Variants in DDX10 observed in about 807,000 individuals in gnomAD.
DDX10 encodes the protein probable ATP-dependent RNA helicase DDX10.
DDX10 carries 74 observed loss-of-function variants against 104.3 expected under a neutral mutation model. The observed-to-expected ratio is 0.71, with a 90% CI of 0.59 to 0.86. The LOEUF (loss-of-function observed/expected upper bound fraction) is 0.86, where lower values mean the gene tolerates loss of function less well. Ranked by LOEUF, DDX10 falls within the 40% of genes least tolerant of loss-of-function variation. The pLI is 0.00. For synonymous variants in DDX10, 351 were observed against 353.4 expected (o/e 0.99, Z 0.08); for missense variants, 952 against 1,040.0 (o/e 0.92, Z 1.16).
At chr11:108,900,884 G>A (rs1169300496) in intron 16 of DDX10, among the ~76,000 whole-genome samples, 1 of 152,186 alleles carries the variant, frequency 6.6e-6, no homozygotes, top group Admixed American at 6.5e-5. Context: ...TATCTACCTT[G>A]TATGTGCCTA....
intron 16 of DDX10, among the ~76,000 whole-genome samples, chr11:108,857,826 A>G (rs1862891333): frequency 6.6e-6 from 1 of 152,210 alleles, no homozygotes; most frequent in African/African-American, 2.4e-5. Context: ...AGAATATTCA[A>G]TTTGAGAGTC....
intron 16 of DDX10, among the ~76,000 whole-genome samples, chr11:108,894,912 T>A (rs1318080967): frequency 2.0e-5 from 3 of 152,008 alleles, no homozygotes; most frequent in South Asian, 2.1e-4. Context: ...CCCTTTTTTT[T>A]AAAACGGAAA....
intron 9 of DDX10, among the ~76,000 whole-genome samples, chr11:108,701,675 C>CTTTTTTTTTTTTTTTTTTTTTTTT (rs55916940): frequency 1.3e-5 from 1 of 77,420 alleles, no homozygotes; most frequent in Non-Finnish European, 2.2e-5. Flanking sequence ...TTCTTCTTCT[C>CTTTTTTTTTTTTTTTTTTTTTTTT]TTTTTTTTTT....
chr11:108,913,640 A>G (rs1361607578), intron 16 of DDX10, among the ~76,000 whole-genome samples: 2 of 152,136 alleles, frequency 1.3e-5, no homozygotes, highest in Admixed American at 1.3e-4. Context: ...CCTTTGGCTT[A>G]GTGACTTTGC....
At chr11:108,927,506 T>C (rs1863923232) in intron 17 of DDX10, among the ~76,000 whole-genome samples, 1 of 152,202 alleles carries the variant, frequency 6.6e-6, no homozygotes, top group Non-Finnish European at 1.5e-5. Flanking sequence ...GGAAGTTTAG[T>C]GCTCACTCCA....
chr11:108,802,918 T>G (rs1862043332), intron 13 of DDX10, among the ~76,000 whole-genome samples: 1 of 151,870 alleles, frequency 6.6e-6, no homozygotes, highest in Non-Finnish European at 1.5e-5. Flanking sequence ...TCTTAAGAAC[T>G]ATCAGTCCAA....
chr11:108,723,090 AGTAATTGAGCCAAGG>A lies in DDX10; in HGVS notation c.1595_1609del (p.Val532_Arg536del), dbSNP rs1025566898. 13 of 1,613,798 alleles carry A rather than the reference AGTAATTGAGCCAAGG, an allele frequency of 8.1e-6. No individual in the cohort carries two copies. Among genetic ancestry groups the A allele is most frequent in the South Asian group, 7.7e-5 (7 of 91,062 alleles). On this transcript the variant is annotated inframe_deletion, in exon 13 of 18. Coordinates refer to ENST00000322536, the MANE Select transcript of DDX10 (RefSeq NM_004398.4). ...AATTGGTAAGGAGCCAAGCCGATAA[AGTAATTGAGCCAAGG>A]GCTCCCTCCCTCACCAATGACGAAG...
chr11:108,904,448 C>A (rs1464703484), intron 16 of DDX10, among the ~76,000 whole-genome samples: 1 of 152,150 alleles, frequency 6.6e-6, no homozygotes. Flanking sequence ...CTACTGGATT[C>A]ATTCATATGC....
chr11:108,741,921 A>G (rs1326891764), intron 13 of DDX10, among the ~76,000 whole-genome samples: 1 of 152,186 alleles, frequency 6.6e-6, no homozygotes, highest in Non-Finnish European at 1.5e-5. Flanking sequence ...AGAAGAAGAC[A>G]AAAAGTAAAA....
chr11:108,826,110 G>GT (rs896153232), intron 13 of DDX10, among the ~76,000 whole-genome samples: 46 of 152,264 alleles, frequency 3.0e-4, no homozygotes, highest in African/African-American at 1.1e-3. Flanking sequence ...ATTTAAAAAG[G>GT]TTTTTTGATG....
chr11:108,882,997 A>G (rs1180191538), intron 16 of DDX10, among the ~76,000 whole-genome samples: 2 of 152,176 alleles, frequency 1.3e-5, no homozygotes, highest in African/African-American at 4.8e-5. Context: ...ATTTCAAATA[A>G]TGATTATCAT....
At chr11:108,799,074 T>C (rs1252718145) in intron 13 of DDX10, among the ~76,000 whole-genome samples, 1 of 152,210 alleles carries the variant, frequency 6.6e-6, no homozygotes, top group African/African-American at 2.4e-5. Flanking sequence ...TTTTTCTATT[T>C]ACTGAGTGGT....
chr11:108,678,870 A>ATTTT (rs769948315), intron 5 of DDX10, among the ~76,000 whole-genome samples: 12 of 92,710 alleles, frequency 1.3e-4, no homozygotes, highest in Non-Finnish European at 1.9e-4. Context: ...GTTTCCCCTA[A>ATTTT]TTTTTTTTTT....
Position 108,723,193 on chromosome 11 carries a change from C to G in DDX10, c.1696C>G (p.Leu566Val). 1 of 1,613,720 alleles carries G rather than the reference C, an allele frequency of 6.2e-7. No individual in the cohort carries two copies. Among genetic ancestry groups the G allele is most frequent in the South Asian group, 1.1e-5 (1 of 91,050 alleles). The change falls in exon 13 of 18, where the codon CTC (leucine) becomes GTC (valine). Residue 566 changes from leucine (L) to valine (V), a missense_variant. Leu to Val is a conservative substitution (Grantham distance 32). Around this residue, in one of 3 missense-constraint regions of DDX10, gnomAD observed 533 missense variants for 534.1 expected, o/e 1.00. Transcript: ENST00000322536. The stretch of plus-strand genomic sequence containing the variant: ...CATCCTTCAAAAAGGTGGAAAAAGA[C>G]TCGAAGGGACAGAGCACAGACAGGA... ...MSILQKGGKR[L>V]EGTEHRQDND...
chr11:108,673,621 A>G (rs1281394862), intron 2 of DDX10, 94 bp downstream of exon 2: 3 of 837,284 alleles, frequency 3.6e-6, no homozygotes, highest in Non-Finnish European at 5.7e-6. Context: ...GAAAAATCTT[A>G]TTTTGGCAAA....
At chr11:108,803,776 T>C (rs1162303070) in intron 13 of DDX10, among the ~76,000 whole-genome samples, 1 of 152,178 alleles carries the variant, frequency 6.6e-6, no homozygotes. Flanking sequence ...CAGAACACAT[T>C]TTTTAATGTG....
intron 16 of DDX10, among the ~76,000 whole-genome samples, chr11:108,906,298 C>T (rs1452308384): frequency 6.6e-6 from 1 of 152,088 alleles, no homozygotes; most frequent in Non-Finnish European, 1.5e-5. Context: ...ACACTGCTTC[C>T]TTAGATGATG....
intron 16 of DDX10, among the ~76,000 whole-genome samples, chr11:108,861,188 C>A (rs1367996435): frequency 6.6e-6 from 1 of 151,764 alleles, no homozygotes; most frequent in African/African-American, 2.4e-5. Context: ...ACTGGCCTAG[C>A]CTCCCAGGCT....
intron 13 of DDX10, among the ~76,000 whole-genome samples, chr11:108,835,697 A>G (rs548273442): frequency 2.6e-5 from 4 of 152,182 alleles, no homozygotes; most frequent in Non-Finnish European, 4.4e-5. Flanking sequence ...TGAGGTGCCT[A>G]TCAGTTAGCC....
Sources: gnomAD v4.1 joint callset for allele counts (sites outside exome capture counted in the v4.1 genomes callset) on GRCh38, gnomAD v4.1.1 for gene constraint, gnomAD v4.1.1 regional missense constraint, MANE v1.5 for transcripts, NCBI Gene and HGNC (gene_info 2026-07-23, HGNC 2026-07-21) for gene names.